OGG1: variants seen among roughly 807,000 people sequenced by gnomAD.
The protein encoded by OGG1 is N-glycosylase/DNA lyase.
OGG1 carries 35 observed loss-of-function variants against 42.3 expected under a neutral mutation model. That is an observed-to-expected ratio of 0.83 (90% CI 0.63 to 1.10). The LOEUF (loss-of-function observed/expected upper bound fraction) is 1.10, where lower values mean the gene tolerates loss of function less well. OGG1 is among the 50% of genes least tolerant of loss of function. The pLI is 0.00. For missense variants in OGG1, 484 were observed against 446.7 expected (o/e 1.08, Z -0.75); for synonymous variants, 189 against 179.0 (o/e 1.06, Z -0.44).
chr3:9,755,141 A>G (rs140619735), intron 4 of OGG1, among the ~76,000 whole-genome samples: 2 of 152,358 alleles, frequency 1.3e-5, no homozygotes, highest in African/African-American at 4.8e-5. Context: ...ATATGCAGCA[A>G]TTTCCAGAAG....
chr3:9,769,080 G>A (rs202181244), downstream of OGG1, among the ~76,000 whole-genome samples: 1 of 151,830 alleles, frequency 6.6e-6, no homozygotes, highest in African/African-American at 2.4e-5. Context: ...CGTGACACCT[G>A]ATCATACATG....
intron 3 of OGG1, among the ~76,000 whole-genome samples, chr3:9,785,931 T>C (rs540466132): frequency 2.8e-5 from 4 of 145,246 alleles, no homozygotes; most frequent in Admixed American, 2.0e-4. Context: ...CACTCCTCCT[T>C]GTTTTGTTTT....
At chr3:9,787,941 A>C in exon 4 of OGG1, 1 of 357,826 alleles carries the variant, frequency 2.8e-6, no homozygotes, top group African/African-American at 2.1e-5. Context: ...ACCAGCGAGG[A>C]GGCTGTGGTG....
chr3:9,785,369 T>C (rs765147036), intron 3 of OGG1: 3 of 1,614,004 alleles, frequency 1.9e-6, no homozygotes, highest in African/African-American at 1.3e-5. Flanking sequence ...CAGCCCCTGA[T>C]TCTTTCCCAG....
intron 2 of OGG1, among the ~76,000 whole-genome samples, chr3:9,781,053 C>A (rs971933968): frequency 1.3e-5 from 2 of 151,956 alleles, no homozygotes; most frequent in Admixed American, 1.3e-4. Flanking sequence ...TTGCTTGAGG[C>A]CAGGAGTTCA....
At chr3:9,761,846 T>C, downstream of OGG1, 2 of 1,535,672 alleles carry the variant, frequency 1.3e-6, no homozygotes, top group Non-Finnish European at 1.7e-6. Context: ...TTCTGAGAAA[T>C]AATGGATCCC....
At chr3:9,787,749 T>C in exon 4 of OGG1, 2 of 1,271,428 alleles carry the variant, frequency 1.6e-6, no homozygotes, top group East Asian at 5.5e-5. Flanking sequence ...AGAAATCAGA[T>C]AAGTGAAGTG....
exon 8 of OGG1, chr3:9,765,939 C>T (rs1559704272): frequency 6.2e-7 from 1 of 1,614,144 alleles, no homozygotes; most frequent in East Asian, 2.2e-5. Context: ...CCCCAGCTTC[C>T]CTCCAGCCTC....
intron 7 of OGG1, chr3:9,762,778 G>A: frequency 2.5e-6 from 2 of 795,926 alleles, no homozygotes; most frequent in Non-Finnish European, 4.1e-6. Context: ...GCAGTTTAAA[G>A]GTTACAAGAT....
chr3:9,766,405 A>AACC, exon 8 of OGG1: 1 of 515,974 alleles, frequency 1.9e-6, no homozygotes, highest in African/African-American at 1.9e-5. Context: ...CACCCTTTAG[A>AACC]ACCTTAAAGA....
chr3:9,758,077 A>G (rs2077671666), downstream of OGG1: 3 of 541,114 alleles, frequency 5.5e-6, no homozygotes, highest in Non-Finnish European at 9.2e-6. Context: ...AAATAGAAAC[A>G]TAACTATAAT....
chr3:9,765,755 G>A (rs750975786), intron 7 of OGG1: 11 of 1,613,648 alleles, frequency 6.8e-6, no homozygotes, highest in Middle Eastern at 3.3e-4. Context: ...TGTGGCCCAC[G>A]CACTTGTGCA....
At chr3:9,783,838 A>T in intron 3 of OGG1, 2 of 1,053,502 alleles carry the variant, frequency 1.9e-6, no homozygotes, top group Non-Finnish European at 1.3e-6. Context: ...CCTGAGCCCC[A>T]CTCTGTGGAA....
At chr3:9,783,841 C>G (rs1470216665) in intron 3 of OGG1, 1 of 1,081,214 alleles carries the variant, frequency 9.2e-7, no homozygotes, top group Non-Finnish European at 1.3e-6. Flanking sequence ...GAGCCCCACT[C>G]TGTGGAATCA....
chr3:9,766,171 C>G lies in OGG1; in HGVS notation c.*340C>G. The G allele has an allele frequency of 4.5e-6, 4 of 895,622 alleles. 1 individual carries two copies. In the Middle Eastern group the frequency reaches 6.3e-4, roughly 141 times the overall value. 55.5% of individuals were successfully genotyped at this position (895,622 alleles called of 1,614,324 possible). On this transcript the variant is annotated 3_prime_UTR_variant, in exon 8 of 8. Transcript: ENST00000302008. ...CCTGTTGAGCTGGTAGGATGTAAGC[C>G]TGGAGCTAATGGCGATCATCTTTGC... is the stretch of plus-strand genomic sequence containing the variant.
At position 9,750,140 on chromosome 3, in the gene OGG1, A is replaced by C; in HGVS notation, c.-147A>C. On this transcript the variant is annotated 5_prime_UTR_variant, in exon 1 of 7. Transcript: ENST00000344629. Reference sequence around the variant, plus strand: ...GGCGAGGCATGCAGGAGGTGGAGGAATTAAGTGAAACAGGGAAGGTTGTTA... The same window carrying C: ...GGCGAGGCATGCAGGAGGTGGAGGACTTAAGTGAAACAGGGAAGGTTGTTA... 2 of 1,024,024 alleles carry C rather than the reference A, an allele frequency of 2.0e-6. No individual in the cohort carries two copies. Among genetic ancestry groups the C allele is most frequent in the Non-Finnish European group, 2.8e-6 (2 of 707,376 alleles). 63.4% of individuals were successfully genotyped at this position (1,024,024 alleles called of 1,614,324 possible).
chr3:9,760,892 A>G (rs1025923264), downstream of OGG1: 62 of 1,400,504 alleles, frequency 4.4e-5, no homozygotes, highest in Admixed American at 1.1e-3. Flanking sequence ...TATAAACTCT[A>G]CCAGCCCTGC....
rs1201079148 is a variant in OGG1 at position 9,750,979 on chromosome 3, G to A, written c.172G>A (p.Val58Ile). Residue 58 changes from valine (V) to isoleucine (I), a missense_variant, in exon 2 of 7, where the codon GTA (valine) becomes ATA (isoleucine). Coordinates refer to ENST00000344629, the MANE Select transcript of OGG1 (RefSeq NM_002542.6). ...GCAAAGTCCTGCACACTGGAGTGGT[G>A]TACTAGCGGATCAAGTATGGACACT... ...REQSPAHWSG[V>I]LADQVWTLTQ... is the part of the protein sequence containing the mutation. The A allele has an allele frequency of 4.3e-6, 7 of 1,614,008 alleles. No homozygotes were observed. The highest frequency in any genetic ancestry group is 2.2e-5 in the East Asian group (1 of 44,904).
chr3:9,761,112 C>T (rs1008903717), downstream of OGG1: 2 of 346,274 alleles, frequency 5.8e-6, no homozygotes, highest in Non-Finnish European at 1.1e-5. Flanking sequence ...ACCCCGTCTC[C>T]CTATTCCTGC....
Sources: allele counts gnomAD v4.1 joint callset (sites outside exome capture counted in the v4.1 genomes callset), GRCh38; gene constraint gnomAD v4.1.1; transcripts MANE v1.5; gene names NCBI Gene and HGNC (gene_info 2026-07-23, HGNC 2026-07-21).